SUN3: variants seen among roughly 807,000 people sequenced by gnomAD.
SUN3 encodes the protein SUN domain-containing protein 3.
A neutral mutation model predicts 48.2 loss-of-function variants in SUN3; 36 were observed. The ratio of observed to expected loss-of-function variants is 0.75; its 90% CI spans 0.57 to 0.99. SUN3 has a LOEUF of 0.99. Ranked by LOEUF, SUN3 falls within the 50% of genes least tolerant of loss-of-function variation. SUN3 has a pLI of 0.00. For missense variants in SUN3, 419 were observed against 433.1 expected, an observed-to-expected ratio of 0.97 and a Z score of 0.29; for synonymous variants, 148 against 147.9, an observed-to-expected ratio of 1.00 and a Z score of 0.00.
upstream of SUN3, among the ~76,000 whole-genome samples, chr7:48,032,647 C>A (rs189963336): frequency 1.3e-5 from 2 of 152,210 alleles, no homozygotes; most frequent in Admixed American, 1.3e-4. Context: ...CTCAGATTAT[C>A]AGAAAAAAGC....
chr7:48,017,941 G>A (rs1004565029), intron 2 of SUN3, among the ~76,000 whole-genome samples: 4 of 152,178 alleles, frequency 2.6e-5, no homozygotes, highest in African/African-American at 7.2e-5. Context: ...AGTAGATGAT[G>A]GAAGTGGCAG....
chr7:47,996,565 A>G (rs1789218199), intron 6 of SUN3, among the ~76,000 whole-genome samples: 1 of 152,234 alleles, frequency 6.6e-6, no homozygotes, highest in Non-Finnish European at 1.5e-5. Flanking sequence ...CCTTCAAGTT[A>G]CATTTGTAGC....
chr7:48,005,316 A>AT (rs1350252192), intron 6 of SUN3, among the ~76,000 whole-genome samples: 1 of 152,190 alleles, frequency 6.6e-6, no homozygotes, highest in African/African-American at 2.4e-5. Context: ...CTGAGTAATC[A>AT]TGCTGTTCCA....
chr7:48,025,298 G>C (rs949540470), intron 2 of SUN3, among the ~76,000 whole-genome samples: 1 of 152,156 alleles, frequency 6.6e-6, no homozygotes, highest in Non-Finnish European at 1.5e-5. Context: ...GTGAAAGAAG[G>C]CAGATAAGAA....
intron 3 of SUN3, among the ~76,000 whole-genome samples, chr7:48,011,192 C>T (rs945569308): frequency 2.6e-5 from 4 of 152,180 alleles, no homozygotes; most frequent in African/African-American, 9.7e-5. Flanking sequence ...TTTTGGGAAT[C>T]ACCTTTCAAC....
intron 3 of SUN3, among the ~76,000 whole-genome samples, chr7:48,014,800 C>T (rs1429565532): frequency 6.6e-6 from 1 of 152,110 alleles, no homozygotes; most frequent in East Asian, 1.9e-4. Flanking sequence ...TAAATGATTG[C>T]AGGGGCTAAG....
intron 2 of SUN3, 95 bp from the exon 3 acceptor site, chr7:48,017,460 T>G (rs1413678387): frequency 5.6e-6 from 4 of 719,076 alleles, no homozygotes; most frequent in Admixed American, 2.5e-5. Context: ...ACATGAAGAA[T>G]ATGTATACTC....
At chr7:47,989,768 T>C (rs971003275) in intron 8 of SUN3, among the ~76,000 whole-genome samples, 13 of 152,144 alleles carry the variant, frequency 8.5e-5, no homozygotes, top group Non-Finnish European at 1.6e-4. Context: ...CTAAGAAAAA[T>C]TCTTCTACCT....
chr7:48,005,794 C>A (rs893449376), intron 6 of SUN3, among the ~76,000 whole-genome samples, 175 bp downstream of exon 6: 1 of 149,796 alleles, frequency 6.7e-6, no homozygotes, highest in Non-Finnish European at 1.5e-5. Flanking sequence ...TTGCACTCAG[C>A]AATCAGTAGT....
intron 6 of SUN3, among the ~76,000 whole-genome samples, chr7:48,003,029 C>T (rs372929535): frequency 2.7e-5 from 4 of 148,002 alleles, no homozygotes; most frequent in African/African-American, 5.0e-5. Context: ...CCAGGGTTTT[C>T]TTTTTTTTTT....
chr7:48,021,616 A>G (rs1401647983), intron 2 of SUN3, among the ~76,000 whole-genome samples: 1 of 152,064 alleles, frequency 6.6e-6, no homozygotes, highest in African/African-American at 2.4e-5. Context: ...CCAAAGATTC[A>G]AATAAACATC....
chr7:48,021,060 G>GT (rs1789980701), intron 2 of SUN3, among the ~76,000 whole-genome samples: 1 of 152,066 alleles, frequency 6.6e-6, no homozygotes. Context: ...AAACAGCAGG[G>GT]TACTGGCATA....
chr7:48,016,549 T>C (rs910856398), intron 3 of SUN3, among the ~76,000 whole-genome samples: 4 of 152,132 alleles, frequency 2.6e-5, no homozygotes, highest in African/African-American at 9.7e-5. Context: ...AAAGAGGACA[T>C]TCAGTGACTA....
rs1242172686 is a variant in SUN3, at chr7:48,025,858, A to C, written c.184+19T>G. 2 of 1,542,256 alleles carry C rather than the reference A, an allele frequency of 1.3e-6. No individual in the cohort carries two copies. Among genetic ancestry groups the C allele is most frequent in the Non-Finnish European group, 1.8e-6 (2 of 1,118,582 alleles). On this transcript the variant is annotated intron_variant, in intron 2 of 9. Coordinates refer to ENST00000297325, the MANE Select transcript of SUN3 (RefSeq NM_001030019.2). ...AACCTGTGGAATGGTTTTAAGGATCATTACTTAGGAAGACTTACCTACAAG... is the reference window on the plus strand; with the variant it reads ...AACCTGTGGAATGGTTTTAAGGATCCTTACTTAGGAAGACTTACCTACAAG...
chr7:48,026,281 G>C (rs1790131234), intron 1 of SUN3, among the ~76,000 whole-genome samples: 1 of 151,434 alleles, frequency 6.6e-6, no homozygotes, highest in African/African-American at 2.4e-5. Context: ...CTCAAATGTA[G>C]AACTAGCTAC....
At chr7:48,002,786 T>C (rs909641968) in intron 6 of SUN3, among the ~76,000 whole-genome samples, 3 of 152,186 alleles carry the variant, frequency 2.0e-5, no homozygotes, top group African/African-American at 7.2e-5. Context: ...TTGATGTCTT[T>C]GTCGTGATAT....
chr7:48,016,917 G>A (rs1789830099), intron 3 of SUN3, among the ~76,000 whole-genome samples: 2 of 152,198 alleles, frequency 1.3e-5, no homozygotes, highest in Non-Finnish European at 2.9e-5. Flanking sequence ...AGGAACATGT[G>A]AGACAGAGAG....
In SUN3 at chr7:48,009,462, G is replaced by A. The variant is rs562909988; in HGVS notation, c.289-387C>T. Among the ~76,000 whole-genome samples the A allele has an allele frequency of 4.2e-4, 64 of 152,274 alleles. No individual in the cohort carries two copies. The South Asian group carries it at 5.4e-3, about 13-fold the overall frequency. On this transcript the variant is annotated intron_variant, in intron 3 of 9. Coordinates refer to ENST00000297325, the MANE Select transcript of SUN3 (RefSeq NM_001030019.2). ...CGGGAGAGGCGCCCCTGGTGGATGT[G>A]GAAAAACCTAAGGAGCACATGGCGA...
At chr7:48,021,376 A>G (rs1363884736) in intron 2 of SUN3, among the ~76,000 whole-genome samples, 1 of 152,136 alleles carries the variant, frequency 6.6e-6, no homozygotes, top group Non-Finnish European at 1.5e-5. Flanking sequence ...GCAGCACCCC[A>G]CAAGCACAGG....
Sources: gnomAD v4.1 joint callset for allele counts (sites outside exome capture counted in the v4.1 genomes callset) on GRCh38, gnomAD v4.1.1 for gene constraint, MANE v1.5 for transcripts, NCBI Gene and HGNC (gene_info 2026-07-23, HGNC 2026-07-21) for gene names.